Variants in SYT1 observed in about 807,000 individuals in gnomAD.
The protein encoded by SYT1 is synaptotagmin 1.
In SYT1, 8 loss-of-function variants were observed where a neutral mutation model predicts 44.8. The observed-to-expected ratio is 0.18, with a 90% confidence interval of 0.10 to 0.32. SYT1 has a LOEUF of 0.32. Ranked by LOEUF, SYT1 falls within the 10% of genes least tolerant of loss-of-function variation. SYT1 has a pLI of 1.00. For missense variants in SYT1, 286 were observed against 509.3 expected (o/e 0.56, Z 4.22); for synonymous variants, 154 against 188.8 (o/e 0.82, Z 1.51).
chr12:79,224,207 C>A (rs1875347137), intron 4 of SYT1, among the ~76,000 whole-genome samples: 1 of 152,132 alleles, frequency 6.6e-6, no homozygotes, highest in Admixed American at 6.6e-5. Flanking sequence ...ACAACTTAGT[C>A]TTTTTTCTTC....
intron 3 of SYT1, among the ~76,000 whole-genome samples, chr12:79,166,206 T>C (rs1871214288): frequency 6.6e-6 from 1 of 152,008 alleles, no homozygotes; most frequent in Non-Finnish European, 1.5e-5. Context: ...AATAAAACAA[T>C]TTTTCAGAAG....
intron 8 of SYT1, among the ~76,000 whole-genome samples, chr12:79,314,662 G>T (rs997576546): frequency 1.1e-4 from 16 of 152,162 alleles, no homozygotes; most frequent in African/African-American, 3.1e-4. Context: ...CAGTTTGACA[G>T]TTCCTCAAAA....
chr12:79,316,811 C>T (rs1881109299), intron 8 of SYT1, among the ~76,000 whole-genome samples: 1 of 152,174 alleles, frequency 6.6e-6, no homozygotes, highest in African/African-American at 2.4e-5. Flanking sequence ...ATAGGTAGAA[C>T]ATAAGCTTCT....
chr12:79,410,506 C>CAAAAAAAAAAAAAAAAAAAAAAAGAAAGA (rs5799432), intron 9 of SYT1, among the ~76,000 whole-genome samples: 3 of 75,912 alleles, frequency 4.0e-5, no homozygotes, highest in Non-Finnish European at 4.8e-5. Flanking sequence ...TGTTCAAAGT[C>CAAAAAAAAAAAAAAAAAAAAAAAGAAAGA]AAAAAAAAAA....
chr12:79,246,434 C>T (rs964637981), intron 4 of SYT1, among the ~76,000 whole-genome samples: 3 of 152,046 alleles, frequency 2.0e-5, no homozygotes, highest in African/African-American at 7.2e-5. Context: ...CCATTCCTGC[C>T]GCTATAACAA....
intron 9 of SYT1, among the ~76,000 whole-genome samples, chr12:79,370,921 A>G (rs1883760343): frequency 6.6e-6 from 1 of 152,174 alleles, no homozygotes; most frequent in Admixed American, 6.5e-5. Context: ...TGCCCAGCCT[A>G]AAGACAACAT....
intron 3 of SYT1, among the ~76,000 whole-genome samples, chr12:79,178,197 A>G (rs1872018346): frequency 6.6e-6 from 1 of 151,900 alleles, no homozygotes; most frequent in Non-Finnish European, 1.5e-5. Flanking sequence ...TATTATATTG[A>G]CTATTACAAA....
At chr12:79,308,017 C>T (rs996900326) in intron 8 of SYT1, among the ~76,000 whole-genome samples, 1 of 152,130 alleles carries the variant, frequency 6.6e-6, no homozygotes, top group Non-Finnish European at 1.5e-5. Context: ...TGGAACTCAG[C>T]GTTGTAGAAC....
At chr12:78,935,061 C>T (rs71462197) in intron 1 of SYT1, among the ~76,000 whole-genome samples, 14,301 of 152,176 alleles carry the variant, frequency 0.094, 974 homozygotes, top group East Asian at 0.31. Context: ...ATGGAAAAGA[C>T]TAAAATTGAA....
rs1565723333 is a variant in SYT1 at position 78,931,224 on chromosome 12, AAAGAAAGAAAGAAAGAAGG to A, written c.-216-46571_-216-46553del. 2.3e-3 allele frequency among the ~76,000 whole-genome samples: 139 copies of A among 61,008 alleles called. 4 individuals carry two copies. The highest frequency in any genetic ancestry group is 8.5e-3 in the South Asian group (12 of 1,406). 40.0% of individuals were successfully genotyped at this position (61,008 alleles called of 152,430 possible). On this transcript the variant is annotated intron_variant, in intron 1 of 10. Transcript: ENST00000261205. ...GAAAGAAAGAAAGAAAGAAAGAAAG[AAAGAAAGAAAGAAAGAAGG>A]AAGGAAGGAAGGAAGGAAGGAAGGA...
chr12:79,257,758 A>G (rs1347095861), intron 4 of SYT1, among the ~76,000 whole-genome samples: 1 of 152,206 alleles, frequency 6.6e-6, no homozygotes, highest in Non-Finnish European at 1.5e-5. Flanking sequence ...AAGTGCTGGG[A>G]TTACAGGCGT....
At position 79,300,789 on chromosome 12, in the gene SYT1, T is replaced by TTTTATATATATATATATATA. The variant is rs1490670835; in HGVS notation, c.810+1239_810+1240insTTATATATATATATATATAT. The stretch of plus-strand genomic sequence containing the variant: ...TGTATATAATATTCATGTATACTTA[T>TTTTATATATATATATATATA]TATATATATATATATATATATATAT... On this transcript the variant is annotated intron_variant, in intron 8 of 10. Transcript: ENST00000261205. Among the ~76,000 whole-genome samples, 558 of 89,400 alleles carry TTTTATATATATATATATATA rather than the reference T, an allele frequency of 6.2e-3. 10 individuals are homozygous for TTTTATATATATATATATATA. Among genetic ancestry groups the TTTTATATATATATATATATA allele is most frequent in the East Asian group, 0.014 (27 of 1,930 alleles). 58.6% of individuals were successfully genotyped at this position (89,400 alleles called of 152,430 possible). A position where few individuals can be genotyped will look rare whatever the true frequency, so the allele number is the denominator to read the frequency against.
At chr12:78,896,661 C>T (rs1467438634) in intron 1 of SYT1, among the ~76,000 whole-genome samples, 1 of 151,748 alleles carries the variant, frequency 6.6e-6, no homozygotes, top group African/African-American at 2.4e-5. Context: ...TAGCAGTCAA[C>T]AATATTTTCA....
chr12:79,228,216 C>T (rs1372539745), intron 4 of SYT1, among the ~76,000 whole-genome samples: 1 of 152,076 alleles, frequency 6.6e-6, no homozygotes, highest in Non-Finnish European at 1.5e-5. Context: ...CTTTACCTCT[C>T]CCATCAAGCT....
intron 9 of SYT1, among the ~76,000 whole-genome samples, chr12:79,429,917 T>C (rs1053263234): frequency 1.1e-4 from 17 of 152,330 alleles, no homozygotes; most frequent in African/African-American, 4.1e-4. Flanking sequence ...TAAACCATCT[T>C]AAGATATATG....
intron 3 of SYT1, among the ~76,000 whole-genome samples, chr12:79,118,573 C>G (rs1277172695): frequency 6.6e-6 from 1 of 152,104 alleles, no homozygotes; most frequent in Non-Finnish European, 1.5e-5. Context: ...GCAAACAGCA[C>G]TAGTATAGAA....
At chr12:79,410,097 C>T (rs1201469694) in intron 9 of SYT1, among the ~76,000 whole-genome samples, 2 of 152,026 alleles carry the variant, frequency 1.3e-5, no homozygotes, top group African/African-American at 4.8e-5. Context: ...TAGTTTTCAT[C>T]ATCATCAAGG....
intron 1 of SYT1, among the ~76,000 whole-genome samples, chr12:78,972,172 T>C (rs1455978670): frequency 6.6e-6 from 1 of 152,098 alleles, no homozygotes; most frequent in African/African-American, 2.4e-5. Flanking sequence ...GCCTTTGACC[T>C]TTTAAACTAA....
chr12:79,408,068 A>T (rs1260229829), intron 9 of SYT1, among the ~76,000 whole-genome samples: 1 of 152,166 alleles, frequency 6.6e-6, no homozygotes, highest in Non-Finnish European at 1.5e-5. Flanking sequence ...TGGGTATTAC[A>T]CTTGAATTTA....
Sources: gnomAD v4.1 joint callset for allele counts (sites outside exome capture counted in the v4.1 genomes callset) on GRCh38, gnomAD v4.1.1 for gene constraint, MANE v1.5 for transcripts, NCBI Gene and HGNC (gene_info 2026-07-23, HGNC 2026-07-21) for gene names.